Variants in SDR9C7 observed in about 807,000 individuals in gnomAD.
SDR9C7 encodes the protein short chain dehydrogenase/reductase family 9C member 7.
In SDR9C7, 11 loss-of-function variants were observed where a neutral mutation model predicts 23.6. The observed-to-expected ratio is 0.47, with a 90% confidence interval of 0.29 to 0.77. The LOEUF is 0.77. Among genes scored for constraint, SDR9C7 ranks in the 30% least tolerant of loss-of-function variants. The pLI, the probability that SDR9C7 is intolerant of heterozygous loss-of-function variation, is 0.09. For missense variants in SDR9C7, 387 were observed against 407.1 expected, an observed-to-expected ratio of 0.95 and a Z score of 0.42; for synonymous variants, 167 against 157.3, an observed-to-expected ratio of 1.06 and a Z score of -0.46.
At chr12:56,929,650 G>T in intron 2 of SDR9C7, 97 bp from the exon 3 acceptor site, 1 of 1,391,222 alleles carries the variant, frequency 7.2e-7, no homozygotes, top group Non-Finnish European at 1.0e-6. Flanking sequence ...ACCTAGAGAT[G>T]CTTCTCTCAC....
rs563507474 is a variant in SDR9C7 at position 56,928,574 on chromosome 12, C to T, written c.724+816G>A. ...TCCGCTCCAGCTCTCCAGCCCCACA[C>T]AGGCTTGGGACATGGCAGCCTTGCA... On this transcript the variant is annotated intron_variant, in intron 3 of 3. Transcript: ENST00000293502. Among the ~76,000 whole-genome samples the T allele has an allele frequency of 3.9e-5, 6 of 152,374 alleles. No individual in the cohort carries two copies. The East Asian group carries it at 1.2e-3, about 29-fold the overall frequency.
chr12:56,923,881 T>G lies in SDR9C7; in HGVS notation c.894A>C (p.Thr298=), dbSNP rs549971251. The change falls in exon 4 of 4, where the codon ACA becomes ACC. Residue 298 remains threonine (T), a synonymous_variant. Coordinates refer to ENST00000293502, the MANE Select transcript of SDR9C7 (RefSeq NM_148897.3). ...IPLAKLPTPV[T]DFILSRYLPR... is the part of the protein sequence containing the mutation. ...GAAGGTACCGGCTTAGGATGAAATC[T>G]GTCACAGGGGTGGGCAACTTAGCCA... 1.5e-5 allele frequency: 25 copies of G among 1,613,986 alleles called. No homozygotes were observed. In the African/African-American group the frequency reaches 3.2e-4, roughly 21 times the overall value.
At position 56,926,517 on chromosome 12, in the gene SDR9C7, A is replaced by T. The variant is rs1389434342; in HGVS notation, c.725-2467T>A. Among the ~76,000 whole-genome samples, 5 of 152,226 alleles carry T rather than the reference A, an allele frequency of 3.3e-5. No homozygotes were observed. In the East Asian group the frequency reaches 9.7e-4, roughly 29 times the overall value. On this transcript the variant is annotated intron_variant, in intron 3 of 3. Transcript: ENST00000293502. ...CTGACTCCTAATCTCTCCCCTCCTC[A>T]ATCATCACCCACAGCACTCCTGCCA...
At chr12:56,932,539 C>G (rs1205360668) in intron 1 of SDR9C7, among the ~76,000 whole-genome samples, 1 of 152,222 alleles carries the variant, frequency 6.6e-6, no homozygotes, top group East Asian at 1.9e-4. Flanking sequence ...TCAGACCCCA[C>G]AGTTGTGTTA....
At chr12:56,931,905 G>A (rs1393647305) in intron 1 of SDR9C7, among the ~76,000 whole-genome samples, 2 of 152,054 alleles carry the variant, frequency 1.3e-5, no homozygotes, top group African/African-American at 4.8e-5. Context: ...TCCCTCTAGG[G>A]CTGGGGTCCC....
At chr12:56,932,293 G>A (rs186260086) in intron 1 of SDR9C7, among the ~76,000 whole-genome samples, 1 of 152,320 alleles carries the variant, frequency 6.6e-6, no homozygotes, top group Admixed American at 6.5e-5. Flanking sequence ...GAATCAGAGA[G>A]CTTGAGAAAA....
At position 56,925,677 on chromosome 12, in the gene SDR9C7, A is replaced by G. The variant is rs564868664; in HGVS notation, c.725-1627T>C. ...TAACTCAAAGCCAGACTGTCCATAA[A>G]GCAGTAATGTCTTAGGAAGCCACAC... On this transcript the variant is annotated intron_variant, in intron 3 of 3. Transcript: ENST00000293502. 2.6e-5 allele frequency among the ~76,000 whole-genome samples: 4 copies of G among 152,318 alleles called. No individual in the cohort carries two copies. The East Asian group carries it at 7.7e-4, about 29-fold the overall frequency.
intron 3 of SDR9C7, among the ~76,000 whole-genome samples, chr12:56,928,197 G>A (rs189947839): frequency 5.9e-5 from 9 of 151,908 alleles, no homozygotes; most frequent in Admixed American, 2.6e-4. Flanking sequence ...AATTTATTCC[G>A]TATACCCCAG....
intron 3 of SDR9C7, among the ~76,000 whole-genome samples, chr12:56,926,127 G>A (rs1259842114): frequency 1.3e-5 from 2 of 152,178 alleles, no homozygotes; most frequent in Non-Finnish European, 2.9e-5. Context: ...TTGTTATTGG[G>A]AGAATTAAGC....
At position 56,930,273 on chromosome 12, in the gene SDR9C7, G is replaced by T. The variant is rs1479731546; in HGVS notation, c.513C>A (p.Gly171=). The change falls in exon 2 of 4, where the codon GGC becomes GGA. Residue 171 remains glycine (G), a synonymous_variant. Transcript: ENST00000293502. The part of the protein sequence containing the change: ...SGGRVAVIGG[G]YCVSKFGVEA... ...CAACGCCAAACTTGGAGACGCAGTA[G>T]CCACCACCAATGACAGCCACACGAC... 1.2e-6 allele frequency: 2 copies of T among 1,614,166 alleles called. No individual in the cohort carries two copies. The highest frequency in any genetic ancestry group is 2.2e-5 in the South Asian group (2 of 91,082).
intron 3 of SDR9C7, among the ~76,000 whole-genome samples, chr12:56,927,620 C>T (rs547840388): frequency 5.9e-5 from 9 of 152,200 alleles, no homozygotes; most frequent in Non-Finnish European, 1.2e-4. Flanking sequence ...CCCCATGACG[C>T]GGTCACCATA....
Position 56,934,117 on chromosome 12 carries a change from C to A in SDR9C7, c.145G>T (p.Gly49Cys). The change falls in exon 1 of 4, where the codon GGC becomes TGC. Residue 49 changes from glycine (G) to cysteine (C), a missense_variant. Transcript: ENST00000293502. ...NLLAKQLVDR[G>C]MQVLAACFTE... ...AAGCAAGCAGCCAGCACCTGCATGC[C>A]CCGATCAACCAGCTGTTTGGCCAGC... 1.2e-6 allele frequency: 2 copies of A among 1,614,194 alleles called. No homozygotes were observed. Among genetic ancestry groups the A allele is most frequent in the Non-Finnish European group, 1.7e-6 (2 of 1,180,046 alleles).
intron 2 of SDR9C7, among the ~76,000 whole-genome samples, chr12:56,929,971 C>T (rs1052150311): frequency 1.3e-5 from 2 of 152,206 alleles, no homozygotes; most frequent in African/African-American, 2.4e-5. Flanking sequence ...CCTCCTCTCA[C>T]AGGCCCAAAC....
rs79182756 is a variant in SDR9C7 at position 56,923,693 on chromosome 12, C to T, written c.*140G>A. On this transcript the variant is annotated 3_prime_UTR_variant, in exon 4 of 4. Coordinates refer to ENST00000293502, the MANE Select transcript of SDR9C7 (RefSeq NM_148897.3). Reference sequence around the variant, plus strand: ...TTCTGTTAGAAGTTACTGGTAAATTCGACAGCAGTGGGTGTCAGCTGAGCC... The same window carrying T: ...TTCTGTTAGAAGTTACTGGTAAATTTGACAGCAGTGGGTGTCAGCTGAGCC... 7.7e-4 allele frequency: 513 copies of T among 664,610 alleles called. 1 individual carries two copies. In the African/African-American group the frequency reaches 8.4e-3, roughly 11 times the overall value. 41.2% of individuals were successfully genotyped at this position (664,610 alleles called of 1,614,324 possible). A position where few individuals can be genotyped will look rare whatever the true frequency, so the allele number is the denominator to read the frequency against.
chr12:56,924,881 A>G (rs1300554109), intron 3 of SDR9C7, among the ~76,000 whole-genome samples: 1 of 152,222 alleles, frequency 6.6e-6, no homozygotes, highest in Non-Finnish European at 1.5e-5. Flanking sequence ...AGATCGCGCC[A>G]CTGCATTCCA....
intron 3 of SDR9C7, 53 bp downstream of exon 3, chr12:56,929,337 C>T (rs1955752493): frequency 1.3e-6 from 2 of 1,569,062 alleles, no homozygotes; most frequent in Non-Finnish European, 1.8e-6. Context: ...AGCTAATGAC[C>T]CCAAGACCCA....
chr12:56,927,856 T>C (rs1955744057), intron 3 of SDR9C7, among the ~76,000 whole-genome samples: 1 of 152,216 alleles, frequency 6.6e-6, no homozygotes, highest in Non-Finnish European at 1.5e-5. Flanking sequence ...TGGGTCAGGT[T>C]GTACCTGAAG....
Position 56,923,714 on chromosome 12 carries a change from G to T in SDR9C7, c.*119C>A. ...AATTCGACAGCAGTGGGTGTCAGCT[G>T]AGCCAAGCTTCCTTTGCAGCCAATG... On this transcript the variant is annotated 3_prime_UTR_variant, in exon 4 of 4. Transcript: ENST00000293502. 1 of 815,394 alleles carries T rather than the reference G, an allele frequency of 1.2e-6. No homozygotes were observed. The highest frequency in any genetic ancestry group is 1.9e-6 in the Non-Finnish European group (1 of 516,404). 50.5% of individuals were successfully genotyped at this position (815,394 alleles called of 1,614,324 possible).
Position 56,923,800 on chromosome 12 carries a change from C to G in SDR9C7, c.*33G>C. On this transcript the variant is annotated 3_prime_UTR_variant, in exon 4 of 4. Coordinates refer to ENST00000293502, the MANE Select transcript of SDR9C7 (RefSeq NM_148897.3). Reference sequence around the variant, plus strand: ...ACGGTCCTTCCTTCCTCCCCCACTTCTAGGCTCCACTGACCCATTGATCCT... The same window carrying G: ...ACGGTCCTTCCTTCCTCCCCCACTTGTAGGCTCCACTGACCCATTGATCCT... The G allele has an allele frequency of 6.7e-7, 1 of 1,492,524 alleles. No homozygotes were observed. Among genetic ancestry groups the G allele is most frequent in the Non-Finnish European group, 9.1e-7 (1 of 1,098,330 alleles). The allele number at this position is 1,492,524 out of a possible 1,614,324, so 92.5% of individuals were successfully genotyped here.
Sources: allele counts gnomAD v4.1 joint callset (sites outside exome capture counted in the v4.1 genomes callset), GRCh38; gene constraint gnomAD v4.1.1; transcripts MANE v1.5; gene names NCBI Gene and HGNC (gene_info 2026-07-23, HGNC 2026-07-21).